The following OPHN1 variants were observed in gnomAD, a reference collection of about 807,000 sequenced individuals.
OPHN1 encodes the protein oligophrenin-1.
In OPHN1, 11 loss-of-function variants were observed where a neutral mutation model predicts 60.7. The ratio of observed to expected loss-of-function variants is 0.18; its 90% confidence interval spans 0.11 to 0.30. The LOEUF is 0.30. OPHN1 is among the 10% of genes least tolerant of loss of function. The pLI is 1.00. For missense variants in OPHN1, 449 were observed against 611.0 expected (o/e 0.73, Z 2.80); for synonymous variants, 226 against 222.6 (o/e 1.02, Z -0.14).
At chrX:68,402,262 A>C (rs2078718428) in intron 2 of OPHN1, among the ~76,000 whole-genome samples, 1 of 108,755 alleles carries the variant, frequency 9.2e-6, no homozygotes, top group South Asian at 4.1e-4. Context: ...AGAGGAAAGA[A>C]AGAAAGAAGG....
chrX:68,097,966 C>T (rs1456299944), intron 18 of OPHN1, among the ~76,000 whole-genome samples: 1 of 111,012 alleles, frequency 9.0e-6, no homozygotes, highest in Non-Finnish European at 1.9e-5. Flanking sequence ...TTATTATTAC[C>T]TCTCCAGGAG....
At chrX:68,088,394 A>C (rs1416052180) in intron 19 of OPHN1, among the ~76,000 whole-genome samples, 1 of 111,883 alleles carries the variant, frequency 8.9e-6, no homozygotes, top group South Asian at 3.7e-4. Context: ...TCTACTCAGC[A>C]TGGATTGTGA....
chrX:68,317,423 G>GGAAGGAAGGAGC (rs1243699002), intron 2 of OPHN1, among the ~76,000 whole-genome samples: 4 of 93,495 alleles, frequency 4.3e-5, no homozygotes, highest in African/African-American at 1.6e-4. Context: ...AAGGAAGGAA[G>GGAAGGAAGGAGC]GAGCGAGGGG....
rs2078510541 is a variant in OPHN1, at chrX:68,368,457, CTT to C, written c.154+64408_154+64409del. Reference sequence around the variant, plus strand: ...TTCATGAGGCTGAGGCAGAGAATCACTTGAGCCCAGGAGGCAGAGGCTGCAGT... The same window carrying C: ...TTCATGAGGCTGAGGCAGAGAATCACGAGCCCAGGAGGCAGAGGCTGCAGT... On this transcript the variant is annotated intron_variant, in intron 2 of 24. Coordinates refer to ENST00000355520, the MANE Select transcript of OPHN1 (RefSeq NM_002547.3). Among the ~76,000 whole-genome samples, 3 of 111,136 alleles carry C rather than the reference CTT, an allele frequency of 2.7e-5. No individual in the cohort carries two copies. The South Asian group carries it at 1.1e-3, about 42-fold the overall frequency.
chrX:68,116,574 T>C (rs1438165726), intron 16 of OPHN1, among the ~76,000 whole-genome samples: 1 of 111,422 alleles, frequency 9.0e-6, no homozygotes, highest in African/African-American at 3.3e-5. Flanking sequence ...ATCATCTATA[T>C]GGTCAATGAT....
chrX:68,066,383 A>C (rs763008386), intron 20 of OPHN1, among the ~76,000 whole-genome samples: 6 of 111,473 alleles, frequency 5.4e-5, no homozygotes, highest in Non-Finnish European at 1.1e-4. Flanking sequence ...GCCAATCTTC[A>C]TAAAGAGGAC....
chrX:68,354,556 G>C (rs1602349370), intron 2 of OPHN1, among the ~76,000 whole-genome samples: 1 of 103,882 alleles, frequency 9.6e-6, no homozygotes, highest in East Asian at 3.1e-4. Context: ...TCAGGAGTTT[G>C]AGACCAGCCT....
chrX:68,377,429 TTTATTA>T (rs919710022), intron 2 of OPHN1, among the ~76,000 whole-genome samples: 2 of 105,842 alleles, frequency 1.9e-5, no homozygotes, highest in Non-Finnish European at 3.9e-5. Context: ...TTTTTTATTT[TTTATTA>T]TTATTATTAT....
intron 15 of OPHN1, among the ~76,000 whole-genome samples, chrX:68,151,795 C>T (rs144609452): frequency 0.013 from 1,496 of 111,810 alleles, 16 homozygotes; most frequent in Non-Finnish European, 0.022. Context: ...TATTAGTCTG[C>T]TCTCGAACTG....
chrX:68,369,473 C>T (rs1236270441), intron 2 of OPHN1, among the ~76,000 whole-genome samples: 2 of 111,381 alleles, frequency 1.8e-5, no homozygotes, highest in Non-Finnish European at 3.8e-5. Context: ...CAGGAAAGTA[C>T]AGCCTACTCA....
At chrX:68,072,097 C>T (rs1251764855) in intron 20 of OPHN1, among the ~76,000 whole-genome samples, 1 of 111,903 alleles carries the variant, frequency 8.9e-6, no homozygotes, top group Non-Finnish European at 1.9e-5. Flanking sequence ...ACCTTAGCAA[C>T]TGGATGACTG....
At chrX:68,105,478 T>C (rs960219359) in intron 18 of OPHN1, among the ~76,000 whole-genome samples, 2 of 110,083 alleles carry the variant, frequency 1.8e-5, no homozygotes, top group African/African-American at 3.3e-5. Flanking sequence ...TACGCAGCCA[T>C]AAAAAAGGAT....
chrX:68,132,384 T>C (rs1377390755), intron 15 of OPHN1, among the ~76,000 whole-genome samples: 1 of 106,941 alleles, frequency 9.4e-6, no homozygotes, highest in African/African-American at 3.4e-5. Flanking sequence ...AAATGATGAG[T>C]TCATGTCCTT....
intron 9 of OPHN1, among the ~76,000 whole-genome samples, chrX:68,207,657 T>A (rs1450762790): frequency 1.8e-5 from 2 of 110,476 alleles, no homozygotes; most frequent in African/African-American, 3.3e-5. Flanking sequence ...TTTCCCACTA[T>A]CTCCACACTC....
At chrX:68,424,586 T>C (rs990819693) in intron 2 of OPHN1, among the ~76,000 whole-genome samples, 1 of 111,474 alleles carries the variant, frequency 9.0e-6, no homozygotes, top group African/African-American at 3.3e-5. Flanking sequence ...GAGAAACAGA[T>C]GCCAGATTAA....
intron 2 of OPHN1, among the ~76,000 whole-genome samples, chrX:68,353,412 A>C (rs1358961342): frequency 2.0e-5 from 2 of 101,325 alleles, no homozygotes; most frequent in African/African-American, 7.1e-5. Context: ...CTACAGGAAA[A>C]AAAAAAAAAA....
intron 2 of OPHN1, among the ~76,000 whole-genome samples, chrX:68,320,508 T>C (rs1308819887): frequency 1.8e-5 from 2 of 111,033 alleles, no homozygotes; most frequent in East Asian, 2.8e-4. Flanking sequence ...GAAACCTCTC[T>C]AGAAAACACT....
At chrX:68,330,526 T>A (rs943980928) in intron 2 of OPHN1, among the ~76,000 whole-genome samples, 2 of 111,383 alleles carry the variant, frequency 1.8e-5, no homozygotes, top group Non-Finnish European at 1.9e-5. Flanking sequence ...AATCCCAGCA[T>A]GGCAACAAGT....
chrX:68,395,459 T>C (rs2078678544), intron 2 of OPHN1, among the ~76,000 whole-genome samples: 1 of 106,860 alleles, frequency 9.4e-6, no homozygotes, highest in Non-Finnish European at 1.9e-5. Flanking sequence ...TTTTTTTTTT[T>C]TTCTGGAGAT....
Sources: allele counts gnomAD v4.1 joint callset (sites outside exome capture counted in the v4.1 genomes callset), GRCh38; gene constraint gnomAD v4.1.1; transcripts MANE v1.5; gene names NCBI Gene and HGNC (gene_info 2026-07-23, HGNC 2026-07-21).